The following CT45A1 variants were observed in gnomAD, a reference collection of about 807,000 sequenced individuals.
CT45A1 encodes the protein cancer/testis antigen 45-1.
chrX:135,708,903 T>C (rs190904554), upstream of CT45A1, among the ~76,000 whole-genome samples: 174 of 110,895 alleles, frequency 1.6e-3, 1 homozygote, highest in Middle Eastern at 9.3e-3. Context: ...CAAAGAATGG[T>C]GTTACATCTG....
Position 135,718,101 on chromosome X carries a change from T to C in CT45A1, c.-6-834T>C, listed in dbSNP as rs1305278056. 8.0e-5 allele frequency among the ~76,000 whole-genome samples: 9 copies of C among 112,152 alleles called. No individual in the cohort carries two copies. In the East Asian group the frequency reaches 2.5e-3, roughly 31 times the overall value. Reference sequence around the variant, plus strand: ...CCCTTTTTCCTAAGTTGGTGATAGTTTTTATCACGAATGGACTTTAAACAT... The same window carrying C: ...CCCTTTTTCCTAAGTTGGTGATAGTCTTTATCACGAATGGACTTTAAACAT... On this transcript the variant is annotated intron_variant, in intron 1 of 4. Coordinates refer to ENST00000594565, the MANE Select transcript of CT45A1 (RefSeq NM_001017417.3).
chrX:135,716,626 T>A (rs1164846526), intron 1 of CT45A1, among the ~76,000 whole-genome samples: 5 of 111,610 alleles, frequency 4.5e-5, no homozygotes, highest in African/African-American at 1.6e-4. Context: ...GTTTTTCACC[T>A]CTTAATAGTG....
chrX:135,709,773 C>G (rs1392717429), upstream of CT45A1, among the ~76,000 whole-genome samples: 1 of 111,432 alleles, frequency 9.0e-6, no homozygotes, highest in East Asian at 2.8e-4. Flanking sequence ...ATTGGATGCT[C>G]TCTTCACTAT....
At chrX:135,714,431 G>A (rs1294109045) in intron 1 of CT45A1, among the ~76,000 whole-genome samples, 3 of 109,413 alleles carry the variant, frequency 2.7e-5, no homozygotes, top group Non-Finnish European at 3.8e-5. Flanking sequence ...TCAGCCATGA[G>A]GGAGGCCACG....
At chrX:135,714,020 G>T (rs2087957044) in intron 1 of CT45A1, among the ~76,000 whole-genome samples, 2 of 108,662 alleles carry the variant, frequency 1.8e-5, no homozygotes, top group East Asian at 2.9e-4. Flanking sequence ...TTGGTTGCTT[G>T]TGTCGGCCTC....
upstream of CT45A1, among the ~76,000 whole-genome samples, chrX:135,711,907 A>C (rs1251365775): frequency 2.7e-5 from 3 of 109,935 alleles, no homozygotes; most frequent in Non-Finnish European, 3.8e-5. Flanking sequence ...GTGGTGAAAC[A>C]CTGTCTCTAC....
intron 1 of CT45A1, among the ~76,000 whole-genome samples, chrX:135,718,198 A>C (rs2148035646): frequency 8.9e-6 from 1 of 111,918 alleles, no homozygotes; most frequent in South Asian, 3.7e-4. Context: ...AATGTGGTGC[A>C]TTACATTTAT....
intron 1 of CT45A1, among the ~76,000 whole-genome samples, chrX:135,714,879 TTTA>T (rs1356742530): frequency 9.4e-6 from 1 of 106,727 alleles, no homozygotes; most frequent in African/African-American, 3.4e-5. Flanking sequence ...TTATTGGTCA[TTTA>T]ACTATGTCTT....
chrX:135,717,704 G>A (rs782007484), intron 1 of CT45A1, among the ~76,000 whole-genome samples: 2 of 111,639 alleles, frequency 1.8e-5, no homozygotes, highest in East Asian at 2.8e-4. Context: ...TTTTGGTACT[G>A]TTTTTAATGA....
At chrX:135,712,736 G>A (rs1281692115), upstream of CT45A1, among the ~76,000 whole-genome samples, 1 of 107,979 alleles carries the variant, frequency 9.3e-6, no homozygotes, top group Non-Finnish European at 1.9e-5. Context: ...CACCATGTTG[G>A]CCAGGCTGGT....
At chrX:135,712,998 T>TTCCTTCCTTC (rs782155348), upstream of CT45A1, among the ~76,000 whole-genome samples, 1,171 of 14,675 alleles carry the variant, frequency 0.08, 92 homozygotes, top group African/African-American at 0.12. Context: ...CCTTCCTTCC[T>TTCCTTCCTTC]CTCTCTCTCT....
At position 135,719,975 on chromosome X, in the gene CT45A1, ACT is replaced by A. The variant is rs1457723161; in HGVS notation, c.169+873_169+874del. Among the ~76,000 whole-genome samples the A allele has an allele frequency of 4.1e-4, 37 of 90,165 alleles. 1 individual carries two copies. Among genetic ancestry groups the A allele is most frequent in the African/African-American group, 1.4e-3 (35 of 24,632 alleles). 78.3% of individuals were successfully genotyped at this position (90,165 alleles called of 115,157 possible). ...CTCACACGGGCCCCATCATCTCCTG[ACT>A]CTCTCTGCTACTGTCCTTCACCCCG... On this transcript the variant is annotated intron_variant, in intron 2 of 4. Coordinates refer to ENST00000594565, the MANE Select transcript of CT45A1 (RefSeq NM_001017417.3).
At chrX:135,717,419 G>C (rs1556571975) in intron 1 of CT45A1, among the ~76,000 whole-genome samples, 1 of 110,631 alleles carries the variant, frequency 9.0e-6, no homozygotes, top group Non-Finnish European at 1.9e-5. Flanking sequence ...CGTTGTGGCA[G>C]GCGCCTGTAA....
At chrX:135,711,530 G>T (rs2148030809), upstream of CT45A1, among the ~76,000 whole-genome samples, 1 of 111,253 alleles carries the variant, frequency 9.0e-6, no homozygotes, top group Non-Finnish European at 1.9e-5. Flanking sequence ...TGCCTCCCAG[G>T]TTCAAGTGAT....
chrX:135,713,178 C>A (rs1286726097), upstream of CT45A1, among the ~76,000 whole-genome samples: 4 of 102,370 alleles, frequency 3.9e-5, no homozygotes, highest in Admixed American at 1.1e-4. Context: ...GTTGGGACCA[C>A]AGGCGCCCGC....
intron 1 of CT45A1, among the ~76,000 whole-genome samples, chrX:135,718,202 C>T (rs1442984071): frequency 8.9e-6 from 1 of 111,763 alleles, no homozygotes; most frequent in African/African-American, 3.3e-5. Flanking sequence ...TGGTGCATTA[C>T]ATTTATCGAT....
At chrX:135,718,555 T>C (rs1218431575) in intron 1 of CT45A1, among the ~76,000 whole-genome samples, 1 of 110,696 alleles carries the variant, frequency 9.0e-6, no homozygotes, top group Non-Finnish European at 1.9e-5. Flanking sequence ...TAGTTTAAAA[T>C]ATAATGTTTA....
chrX:135,715,234 T>TA (rs1569518741), intron 1 of CT45A1, among the ~76,000 whole-genome samples: 1,325 of 70,299 alleles, frequency 0.019, 82 homozygotes, highest in Non-Finnish European at 0.03. Flanking sequence ...TATATAATAC[T>TA]TATATATATA....
upstream of CT45A1, among the ~76,000 whole-genome samples, chrX:135,710,674 C>T (rs782204934): frequency 1.8e-5 from 2 of 112,094 alleles, no homozygotes; most frequent in Admixed American, 1.9e-4. Flanking sequence ...CTTTGTTGAG[C>T]CCATAAGATT....
Sources: allele counts gnomAD v4.1 joint callset (sites outside exome capture counted in the v4.1 genomes callset), GRCh38; gene constraint gnomAD v4.1.1; transcripts MANE v1.5; gene names NCBI Gene and HGNC (gene_info 2026-07-23, HGNC 2026-07-21).